RND1: variants seen among roughly 807,000 people sequenced by gnomAD.
The protein encoded by RND1 is rho-related GTP-binding protein Rho6.
In RND1, 9 loss-of-function variants were observed where a neutral mutation model predicts 27.1. That is an observed-to-expected ratio of 0.33 (90% CI 0.20 to 0.58). The LOEUF is 0.58. Among genes scored for constraint, RND1 ranks in the 20% least tolerant of loss-of-function variants. The pLI, the probability that RND1 is intolerant of heterozygous loss-of-function variation, is 0.86. For missense variants in RND1, 253 were observed against 292.2 expected (o/e 0.87, Z 0.98); for synonymous variants, 108 against 115.7 (o/e 0.93, Z 0.43).
At chr12:48,865,075 C>T (rs914859475) in intron 1 of RND1, among the ~76,000 whole-genome samples, 1 of 152,040 alleles carries the variant, frequency 6.6e-6, no homozygotes, top group Non-Finnish European at 1.5e-5. Flanking sequence ...GACACCCCCC[C>T]ACACCACCAC....
At chr12:48,861,311 A>G (rs1938916840) in intron 3 of RND1, among the ~76,000 whole-genome samples, 180 bp from the exon 4 acceptor site, 1 of 152,138 alleles carries the variant, frequency 6.6e-6, no homozygotes, top group African/African-American at 2.4e-5. Flanking sequence ...TTTCCTGCCC[A>G]TGAGGCCTTT....
chr12:48,862,200 A>G lies in RND1; in HGVS notation c.209-82T>C, dbSNP rs879811770. 6.5e-6 allele frequency: 5 copies of G among 769,234 alleles called. No homozygotes were observed. In the Admixed American group the frequency reaches 1.2e-4, roughly 18 times the overall value. The allele number at this position is 769,234 out of a possible 1,614,324, so 47.7% of individuals were successfully genotyped here. On this transcript the variant is annotated intron_variant, in intron 2 of 4. Coordinates refer to ENST00000309739, the MANE Select transcript of RND1 (RefSeq NM_014470.4). ...GCCTAAGCCCTAAAGCCCTGGGAAT[A>G]CCATCCTCAATCCCTGAGGATCCAC...
intron 2 of RND1, among the ~76,000 whole-genome samples, chr12:48,862,817 C>T (rs1938933579): frequency 6.6e-6 from 1 of 152,140 alleles, no homozygotes; most frequent in African/African-American, 2.4e-5. Context: ...CCAGGTGGTC[C>T]CATATGGGAG....
chr12:48,865,434 G>T, intron 1 of RND1: 1 of 590,766 alleles, frequency 1.7e-6, no homozygotes, highest in Non-Finnish European at 3.1e-6. Context: ...GAGGTGAGGA[G>T]GAGCCAGCGG....
At chr12:48,862,162 C>T (rs1219415741) in intron 2 of RND1, 44 bp from the exon 3 acceptor site, 1 of 1,235,546 alleles carries the variant, frequency 8.1e-7, no homozygotes, top group Non-Finnish European at 1.2e-6. Flanking sequence ...ATGGTGTTTT[C>T]CTTCCCCAAT....
chr12:48,860,929 T>C, intron 4 of RND1, 68 bp downstream of exon 4: 1 of 1,603,582 alleles, frequency 6.2e-7, no homozygotes. Flanking sequence ...GCCAGGGCCA[T>C]ATTTCAAGCT....
rs145288407 is a variant in RND1 at position 48,862,046 on chromosome 12, A to G, written c.281T>C (p.Ile94Thr). 3.4e-4 allele frequency: 556 copies of G among 1,612,746 alleles called. No homozygotes were observed. The highest frequency in any genetic ancestry group is 4.0e-4 in the Non-Finnish European group (469 of 1,178,840). ...GCTGTCCACTGTCTCTGGACGGCTG[A>G]TGTCAAAACATAGTAATACTGCATC... ...DSDAVLLCFD[I>T]SRPETVDSAL... Residue 94 changes from isoleucine (I) to threonine (T), a missense_variant, in exon 3 of 5, where the codon ATC becomes ACC. By Grantham distance (89) the Ile-to-Thr change is moderately conservative. Transcript: ENST00000309739.
chr12:48,863,041 C>G (rs926575404), intron 2 of RND1, among the ~76,000 whole-genome samples: 1 of 152,088 alleles, frequency 6.6e-6, no homozygotes, highest in Non-Finnish European at 1.5e-5. Flanking sequence ...CTTCAGCAAG[C>G]CTCCTCCATC....
At chr12:48,858,342 TG>T in intron 4 of RND1, 101 bp from the exon 5 acceptor site, 1 of 1,356,482 alleles carries the variant, frequency 7.4e-7, no homozygotes, top group Non-Finnish European at 9.9e-7. Context: ...GGGACCCAGC[TG>T]CCAGTCTCCA....
intron 2 of RND1, among the ~76,000 whole-genome samples, chr12:48,864,408 T>TGC (rs1395755931): frequency 1.6e-5 from 2 of 121,270 alleles, no homozygotes; most frequent in African/African-American, 6.5e-5. Context: ...TGTGTGTGTG[T>TGC]GTGTGTGTGC....
At position 48,864,426 on chromosome 12, in the gene RND1, C is replaced by CGT. The variant is rs1252042749; in HGVS notation, c.208+356_208+357insAC. On this transcript the variant is annotated intron_variant, in intron 2 of 4. Coordinates refer to ENST00000309739, the MANE Select transcript of RND1 (RefSeq NM_014470.4). ...GTGTGTGTGTGTGTGTGCGCGCGCG[C>CGT]GCGTGTGTGTGCATGTGTGTACGCG... Among the ~76,000 whole-genome samples, 1,373 of 139,772 alleles carry CGT rather than the reference C, an allele frequency of 9.8e-3. 16 individuals carry two copies. The highest frequency in any genetic ancestry group is 0.011 in the Non-Finnish European group (749 of 66,640). The allele number at this position is 139,772 out of a possible 152,430, so 91.7% of individuals were successfully genotyped here. A position where few individuals can be genotyped will look rare whatever the true frequency, so the allele number is the denominator to read the frequency against.
intron 2 of RND1, among the ~76,000 whole-genome samples, chr12:48,864,410 T>C (rs1178020252): frequency 1.6e-4 from 19 of 117,866 alleles, no homozygotes; most frequent in East Asian, 9.3e-4. Flanking sequence ...TGTGTGTGTG[T>C]GTGTGTGCGC....
Position 48,857,840 on chromosome 12 carries a change from C to T in RND1, c.*156G>A. ...TCAGGTCCTCATGCCGGGCCTGGCT[C>T]CTTCCTCGCCCCATTCCTGTCTCCT... On this transcript the variant is annotated 3_prime_UTR_variant, in exon 5 of 5. Coordinates refer to ENST00000309739, the MANE Select transcript of RND1 (RefSeq NM_014470.4). 2.4e-6 allele frequency: 2 copies of T among 823,190 alleles called. No homozygotes were observed. Among genetic ancestry groups the T allele is most frequent in the Non-Finnish European group, 3.6e-6 (2 of 557,632 alleles). 51.0% of individuals were successfully genotyped at this position (823,190 alleles called of 1,614,324 possible).
In RND1 at chr12:48,865,736, A is replaced by G. The variant is rs1434922959; in HGVS notation, c.32T>C (p.Val11Ala). The change falls in exon 1 of 5, where the codon GTG (valine) becomes GCG (alanine). Residue 11 changes from valine (V) to alanine (A), a missense_variant. Val to Ala is a moderately conservative substitution (Grantham distance 64). Coordinates refer to ENST00000309739, the MANE Select transcript of RND1 (RefSeq NM_014470.4). ...GACCAGAACGAGCTTACATCTGGCC[A>G]CGACTGGCTGGGGGGCCCGTCTCTC... MKERRAPQPV[V>A]ARCKLVLVGD... 6.2e-7 allele frequency: 1 copy of G among 1,610,498 alleles called. No homozygotes were observed. Among genetic ancestry groups the G allele is most frequent in the South Asian group, 1.1e-5 (1 of 90,880 alleles).
At chr12:48,862,173 A>T in intron 2 of RND1, 55 bp from the exon 3 acceptor site, 1 of 1,064,158 alleles carries the variant, frequency 9.4e-7, no homozygotes, top group Non-Finnish European at 1.5e-6. Flanking sequence ...CTTCCCCAAT[A>T]GGCCTAAGCC....
intron 4 of RND1, among the ~76,000 whole-genome samples, chr12:48,860,496 G>T (rs1270214609): frequency 6.6e-6 from 1 of 150,494 alleles, no homozygotes; most frequent in Non-Finnish European, 1.5e-5. Context: ...TCAAGCAGCG[G>T]TCCTCCCACC....
At chr12:48,861,628 G>A (rs1006589151) in intron 3 of RND1, among the ~76,000 whole-genome samples, 1 of 152,180 alleles carries the variant, frequency 6.6e-6, no homozygotes, top group African/African-American at 2.4e-5. Context: ...GCTCAGACCT[G>A]CCTGGCTTGC....
At chr12:48,861,982 G>A (rs1223893400) in intron 3 of RND1, 27 bp downstream of exon 3, 1 of 1,284,208 alleles carries the variant, frequency 7.8e-7, no homozygotes, top group East Asian at 2.3e-5. Flanking sequence ...TGCTGAGTTA[G>A]AGATTAGAGA....
intron 2 of RND1, among the ~76,000 whole-genome samples, chr12:48,864,428 CGT>C (rs1555172274): frequency 2.0e-5 from 3 of 147,466 alleles, no homozygotes; most frequent in South Asian, 2.1e-4. Flanking sequence ...CGCGCGCGCG[CGT>C]GTGTGTGCAT....
Sources: allele counts gnomAD v4.1 joint callset (sites outside exome capture counted in the v4.1 genomes callset), GRCh38; gene constraint gnomAD v4.1.1; transcripts MANE v1.5; gene names NCBI Gene and HGNC (gene_info 2026-07-23, HGNC 2026-07-21).